TESK2: variants seen among roughly 807,000 people sequenced by gnomAD.
TESK2 encodes dual specificity testis-specific protein kinase 2.
A neutral mutation model predicts 57.1 loss-of-function variants in TESK2; 39 were observed. That is an observed-to-expected ratio of 0.68 (90% CI 0.53 to 0.89). TESK2 has a LOEUF of 0.89. Ranked by LOEUF, TESK2 falls within the 40% of genes least tolerant of loss-of-function variation. The pLI is 0.00. For missense variants in TESK2, 646 were observed against 732.1 expected, an observed-to-expected ratio of 0.88 and a Z score of 1.36; for synonymous variants, 249 against 267.9, an observed-to-expected ratio of 0.93 and a Z score of 0.69.
chr1:45,402,964 G>T (rs183679657), intron 3 of TESK2, among the ~76,000 whole-genome samples: 51 of 151,398 alleles, frequency 3.4e-4, no homozygotes, highest in African/African-American at 1.0e-3. Flanking sequence ...CTTGGACTTG[G>T]GCTAGAAAAA....
At chr1:45,435,192 T>TCA (rs1651146281) in intron 2 of TESK2, among the ~76,000 whole-genome samples, 1 of 151,840 alleles carries the variant, frequency 6.6e-6, no homozygotes, top group Non-Finnish European at 1.5e-5. Context: ...AGTGGTGTGA[T>TCA]CACAGCTCAC....
intron 3 of TESK2, among the ~76,000 whole-genome samples, chr1:45,391,393 T>G (rs1649140158): frequency 6.6e-6 from 1 of 152,006 alleles, no homozygotes; most frequent in Admixed American, 6.6e-5. Flanking sequence ...AATTTTTTAA[T>G]TTTTTAAATA....
At chr1:45,358,451 C>G (rs915852747) in intron 4 of TESK2, among the ~76,000 whole-genome samples, 17 of 151,964 alleles carry the variant, frequency 1.1e-4, no homozygotes, top group Admixed American at 3.3e-4. Context: ...AGATTCCAGC[C>G]TAGGCAACAG....
In TESK2 at chr1:45,355,410, T is replaced by C. The variant is rs745720489; in HGVS notation, c.433A>G (p.Asn145Asp). ...CTCACAGTCCAAGGCAAATGCAGGT[T>C]ACTGTCTAGCAACTGTTCCAGGTTC... The part of the protein sequence containing the change: ...SGNLEQLLDS[N>D]LHLPWTVRVK... The change falls in exon 5 of 11, where the codon AAC becomes GAC. Residue 145 changes from asparagine to aspartate, a missense_variant. Coordinates refer to ENST00000372086, the MANE Select transcript of TESK2 (RefSeq NM_007170.3). The C allele has an allele frequency of 9.9e-6, 16 of 1,613,660 alleles. No homozygotes were observed. Among genetic ancestry groups the C allele is most frequent in the Non-Finnish European group, 1.3e-5 (15 of 1,179,886 alleles).
chr1:45,484,205 T>C (rs1465485452), intron 1 of TESK2, among the ~76,000 whole-genome samples: 2 of 150,110 alleles, frequency 1.3e-5, no homozygotes, highest in East Asian at 4.0e-4. Flanking sequence ...GCCTTCCTGG[T>C]TCAAGTGATT....
chr1:45,382,484 C>G (rs1648705317), intron 4 of TESK2, among the ~76,000 whole-genome samples: 1 of 152,190 alleles, frequency 6.6e-6, no homozygotes, highest in African/African-American at 2.4e-5. Flanking sequence ...AGCAATCTGC[C>G]CACCTTGGCC....
chr1:45,345,762 C>G lies in TESK2; in HGVS notation c.997+115G>C, dbSNP rs556257220. The G allele has an allele frequency of 1.0e-3, 957 of 961,118 alleles. 1 individual carries two copies. Among genetic ancestry groups the G allele is most frequent in the Non-Finnish European group, 1.3e-3 (828 of 619,596 alleles). 59.5% of individuals were successfully genotyped at this position (961,118 alleles called of 1,614,324 possible). The stretch of plus-strand genomic sequence containing the variant: ...GTACTTTCTGCATCATCTCCTTCCC[C>G]TCCCATTTGTTTCTGGACCTGGGAT... On this transcript the variant is annotated intron_variant, in intron 10 of 10. Transcript: ENST00000372086.
At chr1:45,472,251 C>CAAA (rs10605872) in intron 1 of TESK2, among the ~76,000 whole-genome samples, 1 of 123,750 alleles carries the variant, frequency 8.1e-6, no homozygotes, top group African/African-American at 3.0e-5. Flanking sequence ...GACTCCATCT[C>CAAA]AAAAAAAAAA....
intron 3 of TESK2, among the ~76,000 whole-genome samples, chr1:45,403,223 G>A (rs1246100495): frequency 7.1e-6 from 1 of 140,420 alleles, no homozygotes; most frequent in Non-Finnish European, 1.5e-5. Flanking sequence ...ACTACAGTGA[G>A]CCGTGATGGG....
chr1:45,384,921 C>T (rs1321386006), intron 4 of TESK2, among the ~76,000 whole-genome samples: 4 of 152,092 alleles, frequency 2.6e-5, no homozygotes, highest in African/African-American at 7.2e-5. Flanking sequence ...TAGCTGCACA[C>T]ATTCCACATT....
At chr1:45,417,354 C>G (rs1234621989) in intron 3 of TESK2, among the ~76,000 whole-genome samples, 1 of 152,074 alleles carries the variant, frequency 6.6e-6, no homozygotes, top group Non-Finnish European at 1.5e-5. Context: ...GCCTCAGCCC[C>G]CTGAGTAGCT....
chr1:45,433,630 T>C (rs1651071807), intron 2 of TESK2, among the ~76,000 whole-genome samples: 1 of 152,208 alleles, frequency 6.6e-6, no homozygotes. Context: ...CATTTTTATG[T>C]CCAAATAGTG....
chr1:45,437,271 C>A (rs914690028), intron 2 of TESK2, among the ~76,000 whole-genome samples: 4 of 152,068 alleles, frequency 2.6e-5, no homozygotes, highest in Non-Finnish European at 5.9e-5. Flanking sequence ...GGGTCTTTCA[C>A]TTTCTTGGTT....
intron 2 of TESK2, among the ~76,000 whole-genome samples, chr1:45,434,543 T>C (rs1241047480): frequency 6.6e-6 from 1 of 152,096 alleles, no homozygotes; most frequent in Non-Finnish European, 1.5e-5. Flanking sequence ...CCTCATTGTA[T>C]TGATTTGCAT....
intron 1 of TESK2, among the ~76,000 whole-genome samples, chr1:45,464,478 G>T (rs1313930628): frequency 6.6e-6 from 1 of 150,532 alleles, no homozygotes; most frequent in East Asian, 1.9e-4. Context: ...TCACTTATTT[G>T]GTTAAGATTG....
At chr1:45,397,716 A>G (rs1649424281) in intron 3 of TESK2, among the ~76,000 whole-genome samples, 1 of 152,160 alleles carries the variant, frequency 6.6e-6, no homozygotes, top group Non-Finnish European at 1.5e-5. Flanking sequence ...CCACTTCTAA[A>G]TATGTCCTGA....
At chr1:45,406,703 C>T (rs1649864303) in intron 3 of TESK2, among the ~76,000 whole-genome samples, 1 of 152,076 alleles carries the variant, frequency 6.6e-6, no homozygotes, top group Admixed American at 6.6e-5. Context: ...TCCTCTTCAC[C>T]TTTACTACCA....
chr1:45,352,190 T>C (rs1051444478), intron 5 of TESK2, among the ~76,000 whole-genome samples: 1 of 152,186 alleles, frequency 6.6e-6, no homozygotes. Context: ...ATAGTGTACT[T>C]CCCAGCCTTC....
intron 1 of TESK2, among the ~76,000 whole-genome samples, chr1:45,489,515 A>C (rs1177205901): frequency 6.6e-6 from 1 of 152,144 alleles, no homozygotes; most frequent in Non-Finnish European, 1.5e-5. Context: ...CTCGGCTGGG[A>C]GCAGTGGCTC....
Sources: allele counts gnomAD v4.1 joint callset (sites outside exome capture counted in the v4.1 genomes callset), GRCh38; gene constraint gnomAD v4.1.1; transcripts MANE v1.5; gene names NCBI Gene and HGNC (gene_info 2026-07-23, HGNC 2026-07-21).